NOL4: variants seen among roughly 807,000 people sequenced by gnomAD.
NOL4 encodes nucleolar protein 4.
In NOL4, 17 loss-of-function variants were observed where a neutral mutation model predicts 75.9. The ratio of observed to expected loss-of-function variants is 0.22; its 90% CI spans 0.15 to 0.34. The LOEUF is 0.34. NOL4 is among the 10% of genes least tolerant of loss of function. The pLI is 1.00. For missense variants in NOL4, 614 were observed against 793.5 expected (o/e 0.77, Z 2.72); for synonymous variants, 292 against 289.9 (o/e 1.01, Z -0.07).
chr18:33,919,243 C>T (rs1044736709), intron 9 of NOL4, among the ~76,000 whole-genome samples: 1 of 152,136 alleles, frequency 6.6e-6, no homozygotes, highest in African/African-American at 2.4e-5. Flanking sequence ...GCATCCACAG[C>T]ATTTTTTACA....
chr18:33,902,344 C>G (rs1568035681), intron 9 of NOL4, among the ~76,000 whole-genome samples: 1 of 152,050 alleles, frequency 6.6e-6, no homozygotes. Context: ...TTTGTTGTAT[C>G]TCACTGCTTT....
chr18:33,945,516 A>C (rs986531729), intron 8 of NOL4, among the ~76,000 whole-genome samples: 7 of 151,734 alleles, frequency 4.6e-5, no homozygotes, highest in African/African-American at 7.2e-5. Flanking sequence ...TATGCATAAT[A>C]ATTTATGTAA....
At chr18:34,061,049 C>G (rs189780033) in intron 5 of NOL4, among the ~76,000 whole-genome samples, 1 of 152,090 alleles carries the variant, frequency 6.6e-6, no homozygotes, top group Non-Finnish European at 1.5e-5. Context: ...AAATGTCTGA[C>G]GCTGACACGC....
chr18:34,163,950 A>C (rs1485298742), intron 1 of NOL4, among the ~76,000 whole-genome samples: 1 of 152,198 alleles, frequency 6.6e-6, no homozygotes, highest in African/African-American at 2.4e-5. Flanking sequence ...ATCTACAACT[A>C]TCTGATCTTT....
chr18:34,015,852 G>A (rs1304815325), intron 6 of NOL4, among the ~76,000 whole-genome samples: 4 of 151,990 alleles, frequency 2.6e-5, no homozygotes, highest in Non-Finnish European at 5.9e-5. Flanking sequence ...ATCCACTTAG[G>A]CAACAAAGCC....
chr18:34,123,120 C>CT (rs368997906), intron 2 of NOL4, among the ~76,000 whole-genome samples: 2,040 of 138,672 alleles, frequency 0.015, 15 homozygotes, highest in African/African-American at 0.031. Flanking sequence ...GCTCTTACGT[C>CT]TTTTTTTTTT....
At chr18:33,959,954 T>C (rs1291558509) in intron 6 of NOL4, among the ~76,000 whole-genome samples, 3 of 152,096 alleles carry the variant, frequency 2.0e-5, no homozygotes, top group Non-Finnish European at 2.9e-5. Context: ...TGTGTGTGTG[T>C]GTGCGTGTAT....
At chr18:33,893,073 C>T (rs2065192352) in intron 9 of NOL4, among the ~76,000 whole-genome samples, 1 of 151,932 alleles carries the variant, frequency 6.6e-6, no homozygotes, top group Non-Finnish European at 1.5e-5. Context: ...CTAGATAATG[C>T]ACGGAGTTGT....
At chr18:34,157,153 T>A (rs561190276) in intron 1 of NOL4, 1 of 152,252 alleles carries the variant, frequency 6.6e-6, no homozygotes, top group East Asian at 1.9e-4. Flanking sequence ...CTCTTCTTTA[T>A]CATATAACAC....
At chr18:34,017,800 C>T (rs2074790610) in intron 6 of NOL4, among the ~76,000 whole-genome samples, 1 of 152,090 alleles carries the variant, frequency 6.6e-6, no homozygotes, top group African/African-American at 2.4e-5. Flanking sequence ...GCGTCTTTGG[C>T]TATTCCTCAG....
intron 10 of NOL4, among the ~76,000 whole-genome samples, chr18:33,870,581 T>C (rs554020058): frequency 1.3e-5 from 2 of 152,126 alleles, no homozygotes; most frequent in East Asian, 3.9e-4. Context: ...GAGCTGAGTA[T>C]ATTATAAATG....
intron 2 of NOL4, among the ~76,000 whole-genome samples, chr18:34,105,624 A>G (rs1286991332): frequency 6.6e-6 from 1 of 152,022 alleles, no homozygotes; most frequent in African/African-American, 2.4e-5. Flanking sequence ...GTTGCTTTTC[A>G]AAATATTTTA....
At chr18:34,159,270 G>T (rs770886972) in intron 1 of NOL4, among the ~76,000 whole-genome samples, 1 of 152,180 alleles carries the variant, frequency 6.6e-6, no homozygotes, top group Admixed American at 6.5e-5. Context: ...CTCCCAACCC[G>T]CGACCCTCCG....
intron 9 of NOL4, among the ~76,000 whole-genome samples, chr18:33,909,272 C>T (rs1232819302): frequency 2.0e-5 from 3 of 152,050 alleles, no homozygotes; most frequent in Middle Eastern, 3.2e-3. Flanking sequence ...TTTTTATTCT[C>T]TAGGAGTCTT....
chr18:34,108,762 T>C (rs901241299), intron 2 of NOL4, among the ~76,000 whole-genome samples: 1 of 152,114 alleles, frequency 6.6e-6, no homozygotes, highest in Admixed American at 6.6e-5. Flanking sequence ...CTTCAATATA[T>C]CCCTTTCAAT....
intron 6 of NOL4, among the ~76,000 whole-genome samples, chr18:33,975,976 A>C (rs949078832): frequency 6.6e-6 from 1 of 152,174 alleles, no homozygotes; most frequent in African/African-American, 2.4e-5. Context: ...ATTCTGATGA[A>C]TGTAATTTGA....
intron 10 of NOL4, 140 bp from the exon 11 acceptor site, chr18:33,853,175 C>T (rs1317562495): frequency 1.4e-6 from 1 of 717,016 alleles, no homozygotes; most frequent in African/African-American, 1.8e-5. Flanking sequence ...TCAAATACAT[C>T]TACTCTCAGA....
intron 1 of NOL4, among the ~76,000 whole-genome samples, chr18:34,219,261 T>C (rs2146627525): frequency 6.6e-6 from 1 of 152,336 alleles, no homozygotes; most frequent in South Asian, 2.1e-4. Flanking sequence ...CCTACAAATA[T>C]AGGTTAAGAA....
intron 6 of NOL4, among the ~76,000 whole-genome samples, chr18:34,014,712 G>A (rs531900537): frequency 1.3e-5 from 2 of 151,896 alleles, no homozygotes; most frequent in South Asian, 2.1e-4. Flanking sequence ...TTTAAAATGC[G>A]GCCATCAGCA....
Sources: gnomAD v4.1 joint callset for allele counts (sites outside exome capture counted in the v4.1 genomes callset) on GRCh38, gnomAD v4.1.1 for gene constraint, MANE v1.5 for transcripts, NCBI Gene and HGNC (gene_info 2026-07-23, HGNC 2026-07-21) for gene names.